Variants in FAM234A observed in about 807,000 individuals in gnomAD.
The protein encoded by FAM234A is family with sequence similarity 234 member A, also known as protein FAM234A.
Under a neutral mutation model 49.1 loss-of-function variants are expected in FAM234A, and 42 were observed. The observed-to-expected ratio is 0.86, with a 90% CI of 0.67 to 1.11. The LOEUF (loss-of-function observed/expected upper bound fraction) is 1.11, where lower values mean the gene tolerates loss of function less well. Ranked by LOEUF, FAM234A falls within the 50% of genes least tolerant of loss-of-function variation. FAM234A has a pLI of 0.00. For missense variants in FAM234A, 815 were observed against 745.2 expected (o/e 1.09, Z -1.09); for synonymous variants, 369 against 316.2 (o/e 1.17, Z -1.77).
intron 3 of FAM234A, among the ~76,000 whole-genome samples, chr16:258,769 TG>T (rs2051340177): frequency 6.6e-6 from 1 of 152,156 alleles, no homozygotes; most frequent in Non-Finnish European, 1.5e-5. Flanking sequence ...AGGGGGCAGC[TG>T]GGCCCGGCCT....
At chr16:244,155 A>G (rs1358108938) in intron 1 of FAM234A, among the ~76,000 whole-genome samples, 3 of 152,066 alleles carry the variant, frequency 2.0e-5, no homozygotes, top group East Asian at 1.9e-4. Context: ...TCTTTAGTAG[A>G]GATGGGGTTT....
chr16:265,174 A>G lies in FAM234A; in HGVS notation c.*152A>G, dbSNP rs752804777. The G allele has an allele frequency of 1.5e-5, 21 of 1,426,482 alleles. No homozygotes were observed. The highest frequency in any genetic ancestry group is 9.2e-5 in the South Asian group (6 of 65,006). 88.4% of individuals were successfully genotyped at this position (1,426,482 alleles called of 1,614,324 possible). ...GCAGCAGCAGCCTTACCAGTCCTCC[A>G]TGATCACACCCAGGGACCTGCATGG... On this transcript the variant is annotated 3_prime_UTR_variant, in exon 13 of 13. Transcript: ENST00000399932.
At chr16:247,521 C>T (rs2050855180) in intron 1 of FAM234A, among the ~76,000 whole-genome samples, 1 of 151,764 alleles carries the variant, frequency 6.6e-6, no homozygotes, top group Admixed American at 6.6e-5. Context: ...CAACCTCTGC[C>T]TCCCAGGTTC....
At chr16:257,136 C>T (rs1251217845) in intron 3 of FAM234A, among the ~76,000 whole-genome samples, 1 of 152,030 alleles carries the variant, frequency 6.6e-6, no homozygotes, top group Non-Finnish European at 1.5e-5. Flanking sequence ...GCCTTGGCTT[C>T]CCAAAGTGCT....
downstream of FAM234A, chr16:266,247 C>T (rs1158297564): frequency 1.1e-5 from 3 of 264,084 alleles, no homozygotes; most frequent in Non-Finnish European, 1.8e-5. Context: ...AGGCGAGCAC[C>T]CCCACCCAGA....
At chr16:255,311 G>T (rs2051188923) in intron 3 of FAM234A, among the ~76,000 whole-genome samples, 1 of 152,174 alleles carries the variant, frequency 6.6e-6, no homozygotes, top group South Asian at 2.1e-4. Context: ...TTTGTAGTCA[G>T]TTTGTAGAGT....
At chr16:256,434 C>G (rs1222930194) in intron 3 of FAM234A, among the ~76,000 whole-genome samples, 1 of 152,072 alleles carries the variant, frequency 6.6e-6, no homozygotes, top group Non-Finnish European at 1.5e-5. Flanking sequence ...AATGTTGGGT[C>G]CCTCTTTTCG....
downstream of FAM234A, chr16:269,454 GCAGCCCC>G (rs1255683310): frequency 1.3e-6 from 2 of 1,599,710 alleles, no homozygotes; most frequent in African/African-American, 2.7e-5. Context: ...CAGGGCCCCA[GCAGCCCC>G]CAGGCCACAG....
intron 1 of FAM234A, among the ~76,000 whole-genome samples, chr16:241,597 A>T (rs1596746198): frequency 6.6e-6 from 1 of 151,802 alleles, no homozygotes; most frequent in Non-Finnish European, 1.5e-5. Context: ...TCAAAAAAAA[A>T]AAAGTTTTCA....
intron 2 of FAM234A, among the ~76,000 whole-genome samples, chr16:253,535 C>T (rs943421755): frequency 2.0e-5 from 3 of 151,794 alleles, no homozygotes; most frequent in Admixed American, 6.6e-5. Flanking sequence ...AGTGCACTGG[C>T]GTGATCTCGG....
rs754806872 is a variant in FAM234A at position 259,608 on chromosome 16, A to G, written c.385+9A>G. ...ATCCTGTGTGGACGAAGGTAATTTC[A>G]TTTTATATGAAAAAGGCGGAGCTCC... On this transcript the variant is annotated intron_variant, in intron 4 of 12. Transcript: ENST00000399932. 7 of 1,529,982 alleles carry G rather than the reference A, an allele frequency of 4.6e-6. No homozygotes were observed. In the African/African-American group the frequency reaches 8.2e-5, roughly 18 times the overall value. The allele number at this position is 1,529,982 out of a possible 1,614,324, so 94.8% of individuals were successfully genotyped here.
chr16:269,332 G>A (rs1300215196), downstream of FAM234A: 1 of 1,602,976 alleles, frequency 6.2e-7, no homozygotes, highest in South Asian at 1.1e-5. Context: ...GGGTGGGAAG[G>A]AGTGCAGGGC....
In FAM234A at chr16:265,389, C is replaced by T; in HGVS notation, c.*367C>T. ...CCCGGTGCCCTCTCCTTGCCAGCTT[C>T]TCCCCAGGCCAGAGCGGCCATCGCG... is the stretch of plus-strand genomic sequence containing the variant. On this transcript the variant is annotated 3_prime_UTR_variant, in exon 13 of 13. Transcript: ENST00000399932. The T allele has an allele frequency of 1.9e-6, 2 of 1,043,966 alleles. No homozygotes were observed. The highest frequency in any genetic ancestry group is 2.3e-6 in the Non-Finnish European group (2 of 868,032). 64.7% of individuals were successfully genotyped at this position (1,043,966 alleles called of 1,614,324 possible). A position where few individuals can be genotyped will look rare whatever the true frequency, so the allele number is the denominator to read the frequency against.
intron 2 of FAM234A, among the ~76,000 whole-genome samples, chr16:253,108 G>A (rs1163505837): frequency 6.6e-6 from 1 of 152,232 alleles, no homozygotes; most frequent in Non-Finnish European, 1.5e-5. Context: ...CAGGCTGGGT[G>A]GTGGTGGTTG....
At chr16:263,551 C>A in intron 9 of FAM234A, 149 bp downstream of exon 9, 1 of 1,301,298 alleles carries the variant, frequency 7.7e-7, no homozygotes, top group Non-Finnish European at 1.1e-6. Flanking sequence ...CTGGTACTTG[C>A]CCCTTGCCCC....
At position 266,070 on chromosome 16, in the gene FAM234A, A is replaced by G. The variant is rs1382211553; in HGVS notation, c.*1048A>G. 11 of 985,932 alleles carry G rather than the reference A, an allele frequency of 1.1e-5. No homozygotes were observed. Among genetic ancestry groups the G allele is most frequent in the Non-Finnish European group, 1.3e-5 (11 of 830,104 alleles). 61.1% of individuals were successfully genotyped at this position (985,932 alleles called of 1,614,324 possible). On this transcript the variant is annotated 3_prime_UTR_variant, in exon 13 of 13. Transcript: ENST00000399932. ...CCCACCCACCAAGGAAGAAAGCAGA[A>G]TAAACATTTTTGCACTGCCTGAAAA...
At position 265,004 on chromosome 16, in the gene FAM234A, G is replaced by A. The variant is rs531467656; in HGVS notation, c.1641G>A (p.Arg547=). 7.5e-6 allele frequency: 12 copies of A among 1,608,566 alleles called. No individual in the cohort carries two copies. The highest frequency in any genetic ancestry group is 1.7e-5 in the Admixed American group (1 of 59,840). ...QAIRDRFSRL[R]YQSEA ...TCAGGGACCGGTTCTCCCGGCTGCGGTACCAGAGTGAGGCGTAGAGGCACG... is the reference window on the plus strand; with the variant it reads ...TCAGGGACCGGTTCTCCCGGCTGCGATACCAGAGTGAGGCGTAGAGGCACG... Residue 547 remains arginine (R), a synonymous_variant, in exon 13 of 13, where the codon CGG becomes CGA. Transcript: ENST00000399932.
intron 1 of FAM234A, among the ~76,000 whole-genome samples, chr16:244,380 A>G (rs1179249815): frequency 6.6e-6 from 1 of 152,186 alleles, no homozygotes; most frequent in Non-Finnish European, 1.5e-5. Context: ...GGCTACCACA[A>G]AACTCCACTA....
rs1458661301 is a variant in FAM234A, at chr16:264,829, G to A, written c.1466G>A (p.Ser489Asn). 1.2e-6 allele frequency: 2 copies of A among 1,610,424 alleles called. No homozygotes were observed. Among genetic ancestry groups the A allele is most frequent in the Non-Finnish European group, 1.7e-6 (2 of 1,179,648 alleles). ...VAFDAVLFEP[S>N]RHAAYILLTG... ...CCTGCAGCCGTCCTGTTTGAGCCAA[G>A]CCGCCACGCCGCCTACATCCTTCTG... The change falls in exon 13 of 13, where the codon AGC becomes AAC. Residue 489 changes from serine (S) to asparagine (N), a missense_variant. Transcript: ENST00000399932.
Sources: allele counts gnomAD v4.1 joint callset (sites outside exome capture counted in the v4.1 genomes callset), GRCh38; gene constraint gnomAD v4.1.1; transcripts MANE v1.5; gene names NCBI Gene and HGNC (gene_info 2026-07-23, HGNC 2026-07-21).